CHST9: variants seen among roughly 807,000 people sequenced by gnomAD.
CHST9 encodes the protein GalNAc-4-sulfotransferase 2.
Under a neutral mutation model 44.4 loss-of-function variants are expected in CHST9, and 41 were observed. That is an observed-to-expected ratio of 0.92 (90% CI 0.72 to 1.20). The LOEUF (loss-of-function observed/expected upper bound fraction) is 1.20. Ranked by LOEUF, CHST9 falls within the 50% of genes most tolerant of loss-of-function variation. CHST9 has a pLI of 0.00. For synonymous variants in CHST9, 171 were observed against 178.4 expected (o/e 0.96, Z 0.33); for missense variants, 504 against 516.5 (o/e 0.98, Z 0.23).
intron 4 of CHST9, among the ~76,000 whole-genome samples, chr18:26,962,650 T>C (rs1427817947): frequency 2.0e-5 from 3 of 152,176 alleles, no homozygotes; most frequent in Admixed American, 2.0e-4. Flanking sequence ...GTGGCCTCTG[T>C]TTCCTTTGGG....
intron 4 of CHST9, among the ~76,000 whole-genome samples, chr18:27,008,759 A>G (rs979173485): frequency 6.6e-5 from 10 of 152,084 alleles, no homozygotes; most frequent in Non-Finnish European, 1.5e-4. Context: ...TTATTCCTTT[A>G]GCACCTGCCA....
intron 5 of CHST9, among the ~76,000 whole-genome samples, chr18:26,920,360 C>A (rs2055625791): frequency 1.3e-5 from 2 of 152,230 alleles, no homozygotes; most frequent in African/African-American, 2.4e-5. Flanking sequence ...AAAGTCACCT[C>A]TGTAGAAAGG....
intron 4 of CHST9, among the ~76,000 whole-genome samples, chr18:26,960,352 A>G (rs2056383535): frequency 6.6e-6 from 1 of 152,272 alleles, no homozygotes; most frequent in Non-Finnish European, 1.5e-5. Flanking sequence ...CAAATTTTAC[A>G]TCATCCATAG....
intron 2 of CHST9, among the ~76,000 whole-genome samples, chr18:27,086,819 G>T (rs1257901946): frequency 6.6e-6 from 1 of 152,092 alleles, no homozygotes; most frequent in East Asian, 1.9e-4. Context: ...AACTGAATCA[G>T]AGAAGATTCT....
At chr18:26,938,157 T>C (rs997178136) in intron 5 of CHST9, among the ~76,000 whole-genome samples, 1 of 152,146 alleles carries the variant, frequency 6.6e-6, no homozygotes, top group African/African-American at 2.4e-5. Context: ...GTCTTGTCAA[T>C]CTAGATACCT....
At chr18:27,031,992 G>C (rs1464182900) in intron 3 of CHST9, among the ~76,000 whole-genome samples, 2 of 151,932 alleles carry the variant, frequency 1.3e-5, no homozygotes, top group African/African-American at 2.4e-5. Context: ...CCCTACTTTA[G>C]AGGAGCAAAT....
chr18:27,062,459 G>A (rs2057735034), intron 2 of CHST9, among the ~76,000 whole-genome samples: 1 of 152,100 alleles, frequency 6.6e-6, no homozygotes, highest in Non-Finnish European at 1.5e-5. Flanking sequence ...ATGGTTTCCA[G>A]CTTCATCCAT....
intron 4 of CHST9, among the ~76,000 whole-genome samples, chr18:26,946,724 G>A (rs2056168765): frequency 6.6e-6 from 1 of 152,158 alleles, no homozygotes; most frequent in Non-Finnish European, 1.5e-5. Flanking sequence ...TCCAGTTTCT[G>A]TTTTCTGCAT....
At chr18:27,087,916 A>G (rs2058028561) in intron 2 of CHST9, among the ~76,000 whole-genome samples, 1 of 152,188 alleles carries the variant, frequency 6.6e-6, no homozygotes, top group Non-Finnish European at 1.5e-5. Context: ...ATCTCCCAAC[A>G]ATTTTGGGTA....
At chr18:26,944,249 C>G in intron 5 of CHST9, 80 bp downstream of exon 5, 1 of 1,071,810 alleles carries the variant, frequency 9.3e-7, no homozygotes, top group Non-Finnish European at 1.4e-6. Flanking sequence ...ACATTACCCC[C>G]TGCCTTTTTT....
intron 1 of CHST9, among the ~76,000 whole-genome samples, chr18:27,150,102 A>ATT (rs200943870): frequency 7.0e-6 from 1 of 143,588 alleles, no homozygotes; most frequent in East Asian, 2.0e-4. Flanking sequence ...AGGCTTTTTG[A>ATT]TTTTTTTTTT....
At chr18:26,974,137 T>C (rs1298681688) in intron 4 of CHST9, among the ~76,000 whole-genome samples, 1 of 152,218 alleles carries the variant, frequency 6.6e-6, no homozygotes, top group African/African-American at 2.4e-5. Flanking sequence ...CTATGACCTA[T>C]AACAACTCAG....
chr18:27,165,378 C>T (rs1259036407), intron 1 of CHST9, among the ~76,000 whole-genome samples: 2 of 152,120 alleles, frequency 1.3e-5, no homozygotes. Flanking sequence ...AATGAAAGCA[C>T]TGACTCTAAA....
At chr18:26,959,316 AG>A (rs1200748419) in intron 4 of CHST9, among the ~76,000 whole-genome samples, 1 of 152,176 alleles carries the variant, frequency 6.6e-6, no homozygotes, top group African/African-American at 2.4e-5. Flanking sequence ...AGACCACTAG[AG>A]GGAGGAGTGA....
At chr18:27,029,689 G>T (rs1462862695) in intron 3 of CHST9, among the ~76,000 whole-genome samples, 1 of 152,124 alleles carries the variant, frequency 6.6e-6, no homozygotes, top group Non-Finnish European at 1.5e-5. Context: ...CAATATAAAT[G>T]CTATGTTCAT....
chr18:27,132,183 C>A (rs1196291128), intron 2 of CHST9, among the ~76,000 whole-genome samples: 1 of 152,134 alleles, frequency 6.6e-6, no homozygotes, highest in African/African-American at 2.4e-5. Flanking sequence ...CCTTTAGACA[C>A]AAAATGATAG....
intron 5 of CHST9, among the ~76,000 whole-genome samples, chr18:26,929,496 A>G (rs879568928): frequency 6.6e-5 from 10 of 152,240 alleles, no homozygotes; most frequent in Non-Finnish European, 1.3e-4. Flanking sequence ...AATACCGGGC[A>G]TATCATCTAT....
intron 4 of CHST9, among the ~76,000 whole-genome samples, chr18:27,004,771 A>C (rs556900902): frequency 3.3e-5 from 5 of 152,194 alleles, no homozygotes; most frequent in African/African-American, 9.6e-5. Context: ...GGCAGAAAGG[A>C]GGGTTTCTTG....
At chr18:27,150,960 T>C (rs2058654789) in intron 1 of CHST9, among the ~76,000 whole-genome samples, 1 of 152,170 alleles carries the variant, frequency 6.6e-6, no homozygotes, top group Non-Finnish European at 1.5e-5. Flanking sequence ...GTATTGTTTC[T>C]ATCAACCATA....
Sources: gnomAD v4.1 joint callset for allele counts (sites outside exome capture counted in the v4.1 genomes callset) on GRCh38, gnomAD v4.1.1 for gene constraint, MANE v1.5 for transcripts, NCBI Gene and HGNC (gene_info 2026-07-23, HGNC 2026-07-21) for gene names.